DYNC2H1: variants seen among roughly 807,000 people sequenced by gnomAD.
The protein encoded by DYNC2H1 is dynein cytoplasmic 2 heavy chain 1.
DYNC2H1 carries 410 observed loss-of-function variants against 570.0 expected under a neutral mutation model. That is an observed-to-expected ratio of 0.72 (90% CI 0.66 to 0.78). DYNC2H1 has a LOEUF of 0.78. DYNC2H1 is among the 30% of genes least tolerant of loss of function. The pLI is 0.00. For synonymous variants in DYNC2H1, 1,688 were observed against 1,677.6 expected, an observed-to-expected ratio of 1.01 and a Z score of -0.15; for missense variants, 4,865 against 5,046.4, an observed-to-expected ratio of 0.96 and a Z score of 1.09.
rs1380019151 is a variant in DYNC2H1, at chr11:103,395,734, G to A, written c.12157-3929G>A. The stretch of plus-strand genomic sequence containing the variant: ...GTCACTGTGGTCAAGAGAATGGAAC[G>A]CTCTCATTAGTTAAGCCCCAATTCA... On this transcript the variant is annotated intron_variant, in intron 83 of 88. Transcript: ENST00000375735. This position sits in a 1 kb window ranked among gnomAD's most constrained non-coding sequence, Gnocchi z 4.3. Among the ~76,000 whole-genome samples the A allele has an allele frequency of 1.3e-5, 2 of 152,088 alleles. No individual in the cohort carries two copies. Among genetic ancestry groups the A allele is most frequent in the East Asian group, 1.9e-4 (1 of 5,188 alleles).
intron 84 of DYNC2H1, among the ~76,000 whole-genome samples, chr11:103,434,301 A>G (rs1396640913): frequency 6.6e-6 from 1 of 152,110 alleles, no homozygotes. Context: ...ACCACAAACA[A>G]ATCTTTTCAA....
intron 83 of DYNC2H1, among the ~76,000 whole-genome samples, chr11:103,390,798 T>G (rs556012894): frequency 3.8e-4 from 58 of 152,326 alleles, no homozygotes; most frequent in African/African-American, 1.3e-3. Context: ...TTGAAAATTC[T>G]TTTCTTAAGA....
At chr11:103,414,678 G>A (rs1450320635) in intron 84 of DYNC2H1, among the ~76,000 whole-genome samples, 1 of 152,122 alleles carries the variant, frequency 6.6e-6, no homozygotes, top group African/African-American at 2.4e-5. Flanking sequence ...AGTAACTTCA[G>A]CAAAATTTCA....
chr11:103,282,281 T>G lies in DYNC2H1; in HGVS notation c.10812+52T>G, dbSNP rs191059413. The G allele has an allele frequency of 6.6e-5, 103 of 1,549,450 alleles. No homozygotes were observed. In the Admixed American group the frequency reaches 9.0e-4, roughly 14 times the overall value. On this transcript the variant is annotated intron_variant, in intron 72 of 88. Transcript: ENST00000375735. ...TGCTCTTAAAGAAAATATTTCTGGC[T>G]TTTTGTTCATGAGGTATAATTTGCT...
At chr11:103,152,113 GT>G (rs10664799) in intron 20 of DYNC2H1, 22 bp from the exon 21 acceptor site, 2,259 of 1,364,754 alleles carry the variant, frequency 1.7e-3, no homozygotes, top group Middle Eastern at 5.7e-3. Flanking sequence ...TATTCAATTT[GT>G]TTTTTTTTTT....
chr11:103,156,561 A>T lies in DYNC2H1; in HGVS notation c.3918A>T (p.Arg1306Ser), dbSNP rs745364664. The T allele has an allele frequency of 1.9e-6, 3 of 1,613,580 alleles. No individual in the cohort carries two copies. The Admixed American group carries it at 5.0e-5, about 27-fold the overall frequency. Residue 1306 changes from arginine to serine, a missense_variant, in exon 26 of 89, where the codon AGA (arginine) becomes AGT (serine). Transcript: ENST00000375735. ...TAGTAAATCAGGTTGGAGATAATAG[A>T]TGCCTTCTCCAATCCTTAAAGGATT... ...KDIVNQVGDN[R>S]CLLQSLKDSP...
At chr11:103,441,474 C>A (rs1944266000) in intron 85 of DYNC2H1, among the ~76,000 whole-genome samples, 2 of 151,206 alleles carry the variant, frequency 1.3e-5, no homozygotes, top group Non-Finnish European at 2.9e-5. Context: ...TCTATGTATT[C>A]TGCCACTAAA....
chr11:103,455,992 C>A lies in DYNC2H1; in HGVS notation c.12567-283C>A, dbSNP rs188550322. Among the ~76,000 whole-genome samples the A allele has an allele frequency of 5.3e-5, 8 of 151,856 alleles. No homozygotes were observed. In the East Asian group the frequency reaches 1.6e-3, roughly 29 times the overall value. The stretch of plus-strand genomic sequence containing the variant: ...CAGCTAATAAACATTTATTGAACAC[C>A]CATCGTGTGCCTGCATTTGAGGGTC... On this transcript the variant is annotated intron_variant, in intron 86 of 88. Coordinates refer to ENST00000375735, the MANE Select transcript of DYNC2H1 (RefSeq NM_001377.3).
At chr11:103,296,188 G>T (rs1866816408) in intron 75 of DYNC2H1, among the ~76,000 whole-genome samples, 1 of 151,994 alleles carries the variant, frequency 6.6e-6, no homozygotes, top group Non-Finnish European at 1.5e-5. Context: ...TAGATTTTTT[G>T]GTTTGTATGA....
chr11:103,388,827 C>T (rs1942006485), intron 83 of DYNC2H1, among the ~76,000 whole-genome samples: 1 of 152,170 alleles, frequency 6.6e-6, no homozygotes, highest in African/African-American at 2.4e-5. Flanking sequence ...GTATGTTGTA[C>T]CAGCCTTGCA....
At position 103,166,041 on chromosome 11, in the gene DYNC2H1, G is replaced by C; in HGVS notation, c.4755G>C (p.Gly1585=). The C allele has an allele frequency of 6.6e-7, 1 of 1,520,970 alleles. No individual in the cohort carries two copies. Among genetic ancestry groups the C allele is most frequent in the Non-Finnish European group, 8.8e-7 (1 of 1,133,352 alleles). 94.2% of individuals were successfully genotyped at this position (1,520,970 alleles called of 1,614,324 possible). A position where few individuals can be genotyped will look rare whatever the true frequency, so the allele number is the denominator to read the frequency against. Residue 1585 remains glycine, a synonymous_variant, in exon 31 of 89, where the codon GGG becomes GGC. Coordinates refer to ENST00000375735, the MANE Select transcript of DYNC2H1 (RefSeq NM_001377.3). ...TTGATACAAGTTCTGAGGATCCAGG[G>C]AATACTGGTATGGAAAAGACATTCC... is the stretch of plus-strand genomic sequence containing the variant. ...TNIDTSSEDP[G]NTESGILELK...
intron 55 of DYNC2H1, 31 bp from the exon 56 acceptor site, chr11:103,219,884 T>G: frequency 8.0e-7 from 1 of 1,253,524 alleles, no homozygotes; most frequent in Non-Finnish European, 1.1e-6. Context: ...GCATTAAAAT[T>G]GATTGGAATG....
At chr11:103,284,736 A>G (rs1028215077) in intron 73 of DYNC2H1, among the ~76,000 whole-genome samples, 1 of 150,006 alleles carries the variant, frequency 6.7e-6, no homozygotes, top group African/African-American at 2.5e-5. Context: ...TTATATGAAT[A>G]TAAATGTTTG....
Position 103,155,400 on chromosome 11 carries a change from C to T in DYNC2H1, c.3643C>T (p.Arg1215Cys), listed in dbSNP as rs746768637. The T allele has an allele frequency of 4.6e-5, 74 of 1,609,644 alleles. No homozygotes were observed. Among genetic ancestry groups the T allele is most frequent in the African/African-American group, 9.4e-5 (7 of 74,362 alleles). ...LSPDHWLDLF[R>C]LLGLPRGTSL... The stretch of plus-strand genomic sequence containing the variant: ...TCCAGATCACTGGCTTGACCTTTTT[C>T]GTCTCCTTGGACTTCCTAGGGGGAC... Residue 1215 changes from arginine to cysteine, a missense_variant, in exon 25 of 89, where the codon CGT (arginine) becomes TGT (cysteine). Coordinates refer to ENST00000375735, the MANE Select transcript of DYNC2H1 (RefSeq NM_001377.3).
intron 82 of DYNC2H1, among the ~76,000 whole-genome samples, chr11:103,341,212 A>G (rs1418095372): frequency 6.6e-6 from 1 of 152,218 alleles, no homozygotes; most frequent in Non-Finnish European, 1.5e-5. Context: ...CAGGAGATCC[A>G]TAAGTGCTAA....
At chr11:103,425,527 C>T (rs1023036496) in intron 84 of DYNC2H1, among the ~76,000 whole-genome samples, 3 of 152,008 alleles carry the variant, frequency 2.0e-5, no homozygotes, top group African/African-American at 7.2e-5. Context: ...TATTTCCTTC[C>T]AGAGGTCCCA....
chr11:103,450,777 T>C (rs2135792635), intron 85 of DYNC2H1, among the ~76,000 whole-genome samples: 1 of 152,308 alleles, frequency 6.6e-6, no homozygotes, highest in East Asian at 1.9e-4. Context: ...AGTTTATAAA[T>C]AACATTGTCT....
intron 38 of DYNC2H1, among the ~76,000 whole-genome samples, chr11:103,178,207 T>C (rs1861705439): frequency 6.6e-6 from 1 of 152,122 alleles, no homozygotes; most frequent in South Asian, 2.1e-4. Context: ...GAATAAAGTA[T>C]TTTGAATACT....
intron 85 of DYNC2H1, among the ~76,000 whole-genome samples, chr11:103,443,142 A>T (rs1944321404): frequency 6.6e-6 from 1 of 151,980 alleles, no homozygotes; most frequent in African/African-American, 2.4e-5. Context: ...CAGCTATCAA[A>T]ATTTTTTATT....
Sources: allele counts gnomAD v4.1 joint callset (sites outside exome capture counted in the v4.1 genomes callset), GRCh38; gene constraint gnomAD v4.1.1; non-coding constraint Gnocchi (gnomAD v3.1); transcripts MANE v1.5; gene names NCBI Gene and HGNC (gene_info 2026-07-23, HGNC 2026-07-21).